Variants in SPATA16 observed in about 807,000 individuals in gnomAD.
SPATA16 encodes spermatogenesis associated 16, also known as spermatogenesis-associated protein 16.
Under a neutral mutation model 63.3 loss-of-function variants are expected in SPATA16, and 36 were observed. The ratio of observed to expected loss-of-function variants is 0.57; its 90% CI spans 0.44 to 0.75. The LOEUF (loss-of-function observed/expected upper bound fraction) is 0.75, where lower values mean the gene tolerates loss of function less well. Among genes scored for constraint, SPATA16 ranks in the 30% least tolerant of loss-of-function variants. The probability of loss-of-function intolerance (pLI) is 0.00; values close to 1 mark genes in which losing one functional copy is unlikely to be tolerated. For missense variants in SPATA16, 646 were observed against 679.3 expected, an observed-to-expected ratio of 0.95 and a Z score of 0.54; for synonymous variants, 203 against 216.7, an observed-to-expected ratio of 0.94 and a Z score of 0.56.
chr3:172,925,398 A>T lies in SPATA16; in HGVS notation c.1176T>A (p.Asp392Glu), dbSNP rs2109578466. Reference sequence around the variant, plus strand: ...ATATTTTTTCCAAAAATTTTCCATCATCTTTGTTTTTGAACCCAAGAGTCA... The same window carrying T: ...ATATTTTTTCCAAAAATTTTCCATCTTCTTTGTTTTTGAACCCAAGAGTCA... ...YLLTLGFKNK[D>E]DGKFLEKISS... Residue 392 changes from aspartate (D) to glutamate (E), a missense_variant, in exon 7 of 11, where the codon GAT becomes GAA. Coordinates refer to ENST00000351008, the MANE Select transcript of SPATA16 (RefSeq NM_031955.6). 6.2e-7 allele frequency: 1 copy of T among 1,614,000 alleles called. No homozygotes were observed. The highest frequency in any genetic ancestry group is 1.1e-5 in the South Asian group (1 of 91,084).
chr3:172,889,473 T>A lies in SPATA16; in HGVS notation c.*97A>T. On this transcript the variant is annotated 3_prime_UTR_variant, in exon 11 of 11. Transcript: ENST00000351008. ...CACCTCTTTCTTTTGGTGACAAGCT[T>A]TTGTTATCCAGCTTCACAGTACTAG... 6.4e-7 allele frequency: 1 copy of A among 1,572,190 alleles called. No homozygotes were observed. Among genetic ancestry groups the A allele is most frequent in the East Asian group, 2.2e-5 (1 of 44,644 alleles).
In SPATA16 at chr3:173,023,752, A is replaced by T. The variant is rs186996603; in HGVS notation, c.759-4177T>A. On this transcript the variant is annotated intron_variant, in intron 3 of 10. Coordinates refer to ENST00000351008, the MANE Select transcript of SPATA16 (RefSeq NM_031955.6). ...TTACTTGTAATATTTTAACTTTTTTAAAAAAACAGAAATTTTACTAATTTC... is the reference window on the plus strand; with the variant it reads ...TTACTTGTAATATTTTAACTTTTTTTAAAAAACAGAAATTTTACTAATTTC... Among the ~76,000 whole-genome samples, 127 of 151,644 alleles carry T rather than the reference A, an allele frequency of 8.4e-4. 1 individual carries two copies. Among genetic ancestry groups the T allele is most frequent in the African/African-American group, 2.8e-3 (118 of 41,458 alleles).
intron 2 of SPATA16, among the ~76,000 whole-genome samples, chr3:173,105,221 A>G (rs1173982618): frequency 6.6e-6 from 1 of 152,176 alleles, no homozygotes; most frequent in Non-Finnish European, 1.5e-5. Context: ...GGCATCCTGA[A>G]CACATAGTTA....
chr3:172,950,265 A>G (rs1733398861), intron 6 of SPATA16, among the ~76,000 whole-genome samples: 1 of 152,184 alleles, frequency 6.6e-6, no homozygotes, highest in African/African-American at 2.4e-5. Context: ...GAAGTGGTTA[A>G]ATGGAGGTGA....
intron 4 of SPATA16, among the ~76,000 whole-genome samples, chr3:173,010,318 G>A (rs1021408602): frequency 2.6e-5 from 4 of 151,996 alleles, no homozygotes; most frequent in African/African-American, 9.7e-5. Context: ...CATCAGAGAG[G>A]AGGCCAGGCT....
intron 3 of SPATA16, among the ~76,000 whole-genome samples, chr3:173,046,648 GATA>G (rs1335258260): frequency 6.6e-6 from 1 of 151,974 alleles, no homozygotes; most frequent in Non-Finnish European, 1.5e-5. Flanking sequence ...TTCACAATGT[GATA>G]ATAATACAAA....
chr3:173,056,658 A>T (rs6781476), intron 2 of SPATA16, among the ~76,000 whole-genome samples: 61,951 of 145,234 alleles, frequency 0.43, 14,578 homozygotes, highest in African/African-American at 0.65. Context: ...AAGCCGAGAT[A>T]GTGCCATTGT....
chr3:173,088,092 T>C lies in SPATA16; in HGVS notation c.612+29028A>G, dbSNP rs561718280. Among the ~76,000 whole-genome samples the C allele has an allele frequency of 1.9e-3, 272 of 142,720 alleles. 1 individual carries two copies. The highest frequency in any genetic ancestry group is 2.6e-3 in the African/African-American group (100 of 38,738). 93.6% of individuals were successfully genotyped at this position (142,720 alleles called of 152,430 possible). A position where few individuals can be genotyped will look rare whatever the true frequency, so the allele number is the denominator to read the frequency against. ...TTTCTTTCTTTCTGTCTTTTCTTTTTTTTTTTTTTTTGAGATGGAGTCTTG... is the reference window on the plus strand; with the variant it reads ...TTTCTTTCTTTCTGTCTTTTCTTTTCTTTTTTTTTTTGAGATGGAGTCTTG... On this transcript the variant is annotated intron_variant, in intron 2 of 10. Coordinates refer to ENST00000351008, the MANE Select transcript of SPATA16 (RefSeq NM_031955.6).
At chr3:172,962,032 C>T (rs1733798141) in intron 5 of SPATA16, among the ~76,000 whole-genome samples, 2 of 152,100 alleles carry the variant, frequency 1.3e-5, no homozygotes, top group South Asian at 4.1e-4. Flanking sequence ...GCAGGCAGAT[C>T]ATATGAGGCC....
At chr3:173,131,121 C>G (rs892814277) in intron 1 of SPATA16, among the ~76,000 whole-genome samples, 1 of 151,844 alleles carries the variant, frequency 6.6e-6, no homozygotes, top group African/African-American at 2.4e-5. Context: ...TTGATCTCAG[C>G]CAAAGAAAAC....
chr3:172,911,862 C>G (rs990509346), intron 10 of SPATA16, among the ~76,000 whole-genome samples: 1 of 152,226 alleles, frequency 6.6e-6, no homozygotes, highest in African/African-American at 2.4e-5. Flanking sequence ...TAAACCAAGA[C>G]ACCAGCATAT....
chr3:173,009,881 T>C (rs530851902), intron 4 of SPATA16, among the ~76,000 whole-genome samples: 1 of 152,366 alleles, frequency 6.6e-6, no homozygotes, highest in Non-Finnish European at 1.5e-5. Flanking sequence ...GAGCCTCAGT[T>C]ACGGAATTTC....
rs1183740904 is a variant in SPATA16 at position 173,117,384 on chromosome 3, G to A, written c.348C>T (p.Pro116=). Residue 116 remains proline (P), a synonymous_variant, in exon 2 of 11, where the codon CCC becomes CCT. Coordinates refer to ENST00000351008, the MANE Select transcript of SPATA16 (RefSeq NM_031955.6). ...QLITMPLPHI[P]LKNIMDVEMK... Reference sequence around the variant, plus strand: ...TTTCCACATCCATTATGTTCTTTAAGGGGATGTGAGGCAGAGGCATGGTGA... The same window carrying A: ...TTTCCACATCCATTATGTTCTTTAAAGGGATGTGAGGCAGAGGCATGGTGA... 1 of 1,614,154 alleles carries A rather than the reference G, an allele frequency of 6.2e-7. No homozygotes were observed.
chr3:173,017,733 A>G (rs1012561487), intron 4 of SPATA16, among the ~76,000 whole-genome samples: 2 of 152,240 alleles, frequency 1.3e-5, no homozygotes, highest in South Asian at 4.1e-4. Context: ...AATTGTGTCT[A>G]GCCTTCTATT....
chr3:173,134,642 C>T (rs1252670055), intron 1 of SPATA16, among the ~76,000 whole-genome samples: 5 of 152,156 alleles, frequency 3.3e-5, no homozygotes, highest in African/African-American at 9.7e-5. Flanking sequence ...GCCATGTTTC[C>T]TGGACTTCCC....
chr3:172,920,123 A>G (rs74436224), intron 8 of SPATA16, among the ~76,000 whole-genome samples: 9,482 of 152,312 alleles, frequency 0.062, 367 homozygotes, highest in South Asian at 0.12. Flanking sequence ...GTAAAAGAAT[A>G]TTGGCACAAT....
At chr3:173,028,013 C>CCCTCCCTTCCTTCCTTCCTT (rs1560100953) in intron 3 of SPATA16, among the ~76,000 whole-genome samples, 3 of 35,038 alleles carry the variant, frequency 8.6e-5, no homozygotes, top group East Asian at 9.6e-4. Context: ...CTCCCTCCCT[C>CCCTCCCTTCCTTCCTTCCTT]CCTTCCTTCT....
chr3:173,070,376 C>T (rs1736640951), intron 2 of SPATA16, among the ~76,000 whole-genome samples: 1 of 131,158 alleles, frequency 7.6e-6, no homozygotes, highest in Admixed American at 8.5e-5. Flanking sequence ...GCTTGGGCAA[C>T]AGAACAAGAC....
chr3:172,984,765 C>T (rs912324504), intron 4 of SPATA16, among the ~76,000 whole-genome samples: 3 of 152,134 alleles, frequency 2.0e-5, no homozygotes, highest in African/African-American at 7.2e-5. Flanking sequence ...TACTGCCTTC[C>T]TGCTAGTCTG....
Sources: gnomAD v4.1 joint callset for allele counts (sites outside exome capture counted in the v4.1 genomes callset) on GRCh38, gnomAD v4.1.1 for gene constraint, MANE v1.5 for transcripts, NCBI Gene and HGNC (gene_info 2026-07-23, HGNC 2026-07-21) for gene names.